The following FDXR variants were observed in gnomAD, a reference collection of about 807,000 sequenced individuals.
FDXR encodes NADPH:adrenodoxin oxidoreductase, mitochondrial.
FDXR carries 38 observed loss-of-function variants against 58.3 expected under a neutral mutation model. The observed-to-expected ratio is 0.65, with a 90% confidence interval of 0.50 to 0.85. FDXR has a LOEUF of 0.85. FDXR is among the 40% of genes least tolerant of loss of function. The pLI is 0.00. For synonymous variants in FDXR, 275 were observed against 273.8 expected (o/e 1.00, Z -0.04); for missense variants, 624 against 671.0 (o/e 0.93, Z 0.77).
chr17:74,872,088 C>G lies in FDXR; in HGVS notation c.125G>C (p.Cys42Ser). The stretch of plus-strand genomic sequence containing the variant: ...GCCAGCTGGGCCACTGCCCACCACA[C>G]AGATCTGGGGGGTCTTCTCCTGTGT... ...FSTQEKTPQICVVGSGPAGFY... is the reference protein window; with the variant it reads ...FSTQEKTPQISVVGSGPAGFY... The change falls in exon 2 of 12, where the codon TGT (cysteine) becomes TCT (serine). Residue 42 changes from cysteine to serine, a missense_variant. By Grantham distance (112) the Cys-to-Ser change is moderately radical (BLOSUM62 -1). Transcript: ENST00000293195. 1.2e-6 allele frequency: 2 copies of G among 1,606,978 alleles called. No homozygotes were observed. Among genetic ancestry groups the G allele is most frequent in the Non-Finnish European group, 1.7e-6 (2 of 1,176,232 alleles).
intron 7 of FDXR, 89 bp from the exon 8 acceptor site, chr17:74,864,653 G>A: frequency 4.2e-6 from 6 of 1,437,530 alleles, no homozygotes; most frequent in Non-Finnish European, 5.8e-6. Flanking sequence ...CCAGGCAGGA[G>A]AGACCACCAC....
Position 74,872,968 on chromosome 17 carries a change from T to C in FDXR, c.-24A>G. 6.5e-7 allele frequency: 1 copy of C among 1,546,892 alleles called. No individual in the cohort carries two copies. The highest frequency in any genetic ancestry group is 8.7e-7 in the Non-Finnish European group (1 of 1,145,296). Reference sequence around the variant, plus strand: ...ATGGCTGGGAGCAGCAACCTGCAAGTGGATCTGTTCCTAGCTACTGCTCCG... The same window carrying C: ...ATGGCTGGGAGCAGCAACCTGCAAGCGGATCTGTTCCTAGCTACTGCTCCG... On this transcript the variant is annotated 5_prime_UTR_variant, in exon 1 of 12. Transcript: ENST00000293195.
intron 10 of FDXR, among the ~76,000 whole-genome samples, 197 bp downstream of exon 10, chr17:74,863,699 G>A (rs113630206): frequency 3.2e-4 from 48 of 152,320 alleles, no homozygotes; most frequent in African/African-American, 1.0e-3. Context: ...ATGACCCGAC[G>A]TATGTCACAT....
intron 1 of FDXR, chr17:74,872,352 A>G (rs1428788096): frequency 7.6e-7 from 1 of 1,311,640 alleles, no homozygotes; most frequent in African/African-American, 1.5e-5. Flanking sequence ...CTCACCCATG[A>G]ACCTACTACA....
intron 5 of FDXR, 38 bp downstream of exon 5, chr17:74,866,093 G>T (rs377030891): frequency 6.9e-7 from 1 of 1,449,362 alleles, no homozygotes; most frequent in Non-Finnish European, 9.7e-7. Context: ...GCTGAGGGGC[G>T]GGGAGGAAGA....
intron 4 of FDXR, 86 bp from the exon 5 acceptor site, chr17:74,866,330 C>T: frequency 6.4e-7 from 1 of 1,570,176 alleles, no homozygotes; most frequent in Non-Finnish European, 8.7e-7. Context: ...CCAGCGGCCT[C>T]CTTCCAGCTT....
At position 74,868,422 on chromosome 17, in the gene FDXR, A is replaced by G. The variant is rs927677168; in HGVS notation, c.178-1546T>C. The G allele has an allele frequency of 2.4e-5, 17 of 722,330 alleles. No homozygotes were observed. In the South Asian group the frequency reaches 2.5e-4, roughly 11 times the overall value. 44.7% of individuals were successfully genotyped at this position (722,330 alleles called of 1,614,324 possible). A position where few individuals can be genotyped will look rare whatever the true frequency, so the allele number is the denominator to read the frequency against. On this transcript the variant is annotated intron_variant, in intron 2 of 11. Transcript: ENST00000293195. ...ACTCTGAGTGTTCAATCAAGAAGAG[A>G]GCTATCATTACTATTCTGTTGTTGT...
chr17:74,869,408 G>A (rs1318013488), intron 2 of FDXR, among the ~76,000 whole-genome samples: 1 of 152,180 alleles, frequency 6.6e-6, no homozygotes, highest in Admixed American at 6.5e-5. Context: ...CCTGGTCAAT[G>A]GCTTCCAAGC....
chr17:74,869,489 C>A (rs2038301742), intron 2 of FDXR, among the ~76,000 whole-genome samples: 1 of 152,300 alleles, frequency 6.6e-6, no homozygotes, highest in East Asian at 1.9e-4. Context: ...TGCACACAGG[C>A]ACCTTCCAGA....
chr17:74,865,026 CTGG>C, intron 6 of FDXR, 95 bp from the exon 7 acceptor site: 2 of 1,575,630 alleles, frequency 1.3e-6, no homozygotes, highest in Non-Finnish European at 1.7e-6. Flanking sequence ...CTGGAGAAGG[CTGG>C]CGGCTCAAAA....
chr17:74,867,935 G>A (rs1263359208), intron 2 of FDXR, among the ~76,000 whole-genome samples: 1 of 152,148 alleles, frequency 6.6e-6, no homozygotes, highest in African/African-American at 2.4e-5. Context: ...TAGCAGTAAA[G>A]CAGTCAGGGG....
Position 74,866,644 on chromosome 17 carries a change from ACT to A in FDXR, c.271-78_271-77del, listed in dbSNP as rs35072013. On this transcript the variant is annotated intron_variant, in intron 3 of 11. Coordinates refer to ENST00000293195, the MANE Select transcript of FDXR (RefSeq NM_024417.5). ...GGACCAAGTCTGCACCACCCTCACC[ACT>A]CTGTGTCCCCAGGAGGGAAGCTGGG... is the stretch of plus-strand genomic sequence containing the variant. 1.9e-3 allele frequency: 3,118 copies of A among 1,602,758 alleles called. 49 individuals carry two copies. In the African/African-American group the frequency reaches 0.035, roughly 18 times the overall value.
At chr17:74,871,135 G>T (rs562884035) in intron 2 of FDXR, among the ~76,000 whole-genome samples, 1 of 152,214 alleles carries the variant, frequency 6.6e-6, no homozygotes, top group African/African-American at 2.4e-5. Flanking sequence ...GACCCCACCT[G>T]CCTCGGCTCA....
intron 2 of FDXR, among the ~76,000 whole-genome samples, chr17:74,869,342 T>G (rs973903269): frequency 1.3e-5 from 2 of 152,180 alleles, no homozygotes; most frequent in Non-Finnish European, 2.9e-5. Flanking sequence ...CGGGAGACTC[T>G]GATCAGGGAA....
chr17:74,870,516 CAAAA>C (rs1168237892), intron 2 of FDXR, among the ~76,000 whole-genome samples: 38 of 55,006 alleles, frequency 6.9e-4, no homozygotes, highest in African/African-American at 3.2e-3. Flanking sequence ...GACTCCATCT[CAAAA>C]AAAAAAAAAA....
chr17:74,864,977 A>G (rs1336075369), intron 6 of FDXR, 46 bp from the exon 7 acceptor site: 1 of 1,613,548 alleles, frequency 6.2e-7, no homozygotes, highest in Non-Finnish European at 8.5e-7. Flanking sequence ...CTGACCGAGG[A>G]AAGGGGACTC....
chr17:74,866,777 C>T lies in FDXR; in HGVS notation c.270+7G>A, dbSNP rs766569753. 8.7e-6 allele frequency: 14 copies of T among 1,613,866 alleles called. No homozygotes were observed. Among genetic ancestry groups the T allele is most frequent in the Non-Finnish European group, 8.5e-7 (1 of 1,179,942 alleles). ...AAACCCCAGCCTCCAGGCCCAGAGA[C>T]ACCCACCTTCACCTCGGGGTGATCA... On this transcript the variant is annotated splice_region_variant and intron_variant, in intron 3 of 11. Transcript: ENST00000293195.
At position 74,867,306 on chromosome 17, in the gene FDXR, C is replaced by CAAAAAA. The variant is rs56079045; in HGVS notation, c.178-436_178-431dup. Among the ~76,000 whole-genome samples, 122 of 16,542 alleles carry CAAAAAA rather than the reference C, an allele frequency of 7.4e-3. 16 individuals carry two copies. The highest frequency in any genetic ancestry group is 0.022 in the African/African-American group (115 of 5,194). 10.9% of individuals were successfully genotyped at this position (16,542 alleles called of 152,430 possible). On this transcript the variant is annotated intron_variant, in intron 2 of 11. Coordinates refer to ENST00000293195, the MANE Select transcript of FDXR (RefSeq NM_024417.5). ...TGGGTGACAGAGCAAGACTCTGTCT[C>CAAAAAA]AAAAAAAAAAAAAAAAAAAAAAAAA... is the stretch of plus-strand genomic sequence containing the variant.
At chr17:74,865,696 G>A (rs750871257) in intron 6 of FDXR, 23 bp downstream of exon 6, 108 of 1,564,460 alleles carry the variant, frequency 6.9e-5, no homozygotes, top group Admixed American at 1.9e-4. Flanking sequence ...CTCCAACCCC[G>A]CCAGCCCTGA....
Sources: gnomAD v4.1 joint callset for allele counts (sites outside exome capture counted in the v4.1 genomes callset) on GRCh38, gnomAD v4.1.1 for gene constraint, MANE v1.5 for transcripts, NCBI Gene and HGNC (gene_info 2026-07-23, HGNC 2026-07-21) for gene names.